Variants in MYH14 observed in about 807,000 individuals in gnomAD.
MYH14 encodes myosin heavy chain 14.
In MYH14, 123 loss-of-function variants were observed where a neutral mutation model predicts 255.5. That is an observed-to-expected ratio of 0.48 (90% CI 0.42 to 0.56). The LOEUF (loss-of-function observed/expected upper bound fraction) is 0.56. MYH14 is among the 20% of genes least tolerant of loss of function. MYH14 has a pLI of 0.00. For missense variants in MYH14, 2,423 were observed against 2,802.3 expected, an observed-to-expected ratio of 0.86 and a Z score of 3.06; for synonymous variants, 1,095 against 1,161.2, an observed-to-expected ratio of 0.94 and a Z score of 1.16.
At position 50,276,663 on chromosome 19, in the gene MYH14, A is replaced by C. The variant is rs1450458985; in HGVS notation, c.3681-94A>C. On this transcript the variant is annotated intron_variant, in intron 28 of 42. Transcript: ENST00000642316. The surrounding 1 kb of genome is among the most constrained non-coding windows in gnomAD (Gnocchi z 4.3). ...CATAACATGAGGCCCTCATATTTTA[A>C]GGAAACATGAAAAGGAGAAACAACC... 2.0e-6 allele frequency: 3 copies of C among 1,522,958 alleles called. No homozygotes were observed. 94.3% of individuals were successfully genotyped at this position (1,522,958 alleles called of 1,614,324 possible).
intron 10 of MYH14, among the ~76,000 whole-genome samples, chr19:50,239,299 G>T (rs1029805084): frequency 6.6e-6 from 1 of 152,224 alleles, no homozygotes; most frequent in Admixed American, 6.5e-5. Flanking sequence ...GATTACAGGC[G>T]TGAGCCACCG....
At chr19:50,269,173 TTTTTTTG>T (rs1451279176) in intron 24 of MYH14, among the ~76,000 whole-genome samples, 1 of 152,110 alleles carries the variant, frequency 6.6e-6, no homozygotes, top group East Asian at 1.9e-4. Flanking sequence ...CTCAGTAATG[TTTTTTTG>T]TTTTTTGTTT....
At chr19:50,262,962 G>A (rs2034941099) in intron 21 of MYH14, among the ~76,000 whole-genome samples, 1 of 148,976 alleles carries the variant, frequency 6.7e-6, no homozygotes, top group African/African-American at 2.4e-5. Flanking sequence ...CACTTTGGGA[G>A]GCCGAGGTGA....
chr19:50,255,349 C>T (rs1219999942), intron 17 of MYH14, 31 bp downstream of exon 17: 1 of 1,510,314 alleles, frequency 6.6e-7, no homozygotes, highest in Non-Finnish European at 9.0e-7. Flanking sequence ...ATGGGTGAGG[C>T]TTGCTGGAGG....
intron 27 of MYH14, among the ~76,000 whole-genome samples, chr19:50,273,519 C>T (rs1350920079): frequency 1.3e-5 from 2 of 151,604 alleles, no homozygotes; most frequent in Admixed American, 1.3e-4. Flanking sequence ...AATCTAAGAC[C>T]CACTTGATTA....
At position 50,250,322 on chromosome 19, in the gene MYH14, C is replaced by G. The variant is rs1286607638; in HGVS notation, c.1657-193C>G. ...TTCACTGTGTTAGCCAGGATGGTCT[C>G]GATCTCCTGACCTCGTGATCTACCC... On this transcript the variant is annotated intron_variant, in intron 14 of 42. Coordinates refer to ENST00000642316, the MANE Select transcript of MYH14 (RefSeq NM_001145809.2). The surrounding 1 kb of genome is among the most constrained non-coding windows in gnomAD (Gnocchi z 5.4). Among the ~76,000 whole-genome samples the G allele has an allele frequency of 6.9e-6, 1 of 145,528 alleles. No homozygotes were observed. The highest frequency in any genetic ancestry group is 1.5e-5 in the Non-Finnish European group (1 of 65,724).
intron 18 of MYH14, chr19:50,258,733 A>AACAAC (rs1555767749): frequency 2.2e-5 from 1 of 46,486 alleles, no homozygotes; most frequent in African/African-American, 7.3e-5. Flanking sequence ...AAAAAAAAAA[A>AACAAC]AAAAAAAAAA....
intron 42 of MYH14, 94 bp downstream of exon 42, chr19:50,309,271 G>A: frequency 7.9e-7 from 1 of 1,258,956 alleles, no homozygotes; most frequent in Non-Finnish European, 1.2e-6. Context: ...CAACAACAGG[G>A]GGAAATGGGA....
In MYH14 at chr19:50,266,784, G is replaced by T; in HGVS notation, c.2695-93G>T. Reference sequence around the variant, plus strand: ...GGACACACAGCTAATAGGTGGAGGAGAAGGGATTTGAACCCAGAAACTCAA... The same window carrying T: ...GGACACACAGCTAATAGGTGGAGGATAAGGGATTTGAACCCAGAAACTCAA... On this transcript the variant is annotated intron_variant, in intron 22 of 42. Transcript: ENST00000642316. This position sits in a 1 kb window ranked among gnomAD's most constrained non-coding sequence, Gnocchi z 4.1. The T allele has an allele frequency of 1.3e-6, 2 of 1,503,034 alleles. No individual in the cohort carries two copies. Among genetic ancestry groups the T allele is most frequent in the Non-Finnish European group, 1.8e-6 (2 of 1,107,070 alleles). The allele number at this position is 1,503,034 out of a possible 1,614,324, so 93.1% of individuals were successfully genotyped here.
chr19:50,293,549 T>C lies in MYH14; in HGVS notation c.5346-15T>C. 1.2e-6 allele frequency: 2 copies of C among 1,612,362 alleles called. No homozygotes were observed. Among genetic ancestry groups the C allele is most frequent in the African/African-American group, 2.7e-5 (2 of 74,990 alleles). On this transcript the variant is annotated splice_polypyrimidine_tract_variant and intron_variant, in intron 38 of 42. Transcript: ENST00000642316. The surrounding 1 kb of genome is among the most constrained non-coding windows in gnomAD (Gnocchi z 4.1). ...CATCCTGTCCTTTCATCCCCACGCC[T>C]TCCTGTCTCCCTAGGGCAGCCATTC...
intron 22 of MYH14, among the ~76,000 whole-genome samples, chr19:50,265,021 A>G (rs143949543): frequency 1.4e-3 from 208 of 152,306 alleles, no homozygotes; most frequent in African/African-American, 4.7e-3. Context: ...AGCACCTACT[A>G]TGTGCCCAGA....
Position 50,277,917 on chromosome 19 carries a change from C to CA in MYH14, c.3826-150dup, listed in dbSNP as rs11365121. ...GGGCAACAAGACTGAAGCACTGTCT[C>CA]AAAAAAAAAAAAAAAATTGGGAGTG... is the stretch of plus-strand genomic sequence containing the variant. On this transcript the variant is annotated intron_variant, in intron 29 of 42. Coordinates refer to ENST00000642316, the MANE Select transcript of MYH14 (RefSeq NM_001145809.2). Among the ~76,000 whole-genome samples the CA allele has an allele frequency of 0.015, 1,860 of 122,110 alleles. 30 individuals carry two copies. Among genetic ancestry groups the CA allele is most frequent in the African/African-American group, 0.045 (1,560 of 34,424 alleles). 80.1% of individuals were successfully genotyped at this position (122,110 alleles called of 152,430 possible). A position where few individuals can be genotyped will look rare whatever the true frequency, so the allele number is the denominator to read the frequency against.
chr19:50,207,271 C>CAGAG (rs764396652), intron 1 of MYH14, among the ~76,000 whole-genome samples: 5,916 of 76,690 alleles, frequency 0.077, 770 homozygotes, highest in Admixed American at 0.11. Context: ...GAGAGAGAGA[C>CAGAG]AGAGAGAGAG....
At chr19:50,241,526 G>A (rs2033891544) in intron 10 of MYH14, among the ~76,000 whole-genome samples, 2 of 152,178 alleles carry the variant, frequency 1.3e-5, no homozygotes, top group Admixed American at 6.5e-5. Context: ...CAGCTCTGCT[G>A]TCAGGGGAGA....
chr19:50,257,687 T>C (rs764485147), intron 18 of MYH14, among the ~76,000 whole-genome samples: 1 of 152,204 alleles, frequency 6.6e-6, no homozygotes, highest in African/African-American at 2.4e-5. Flanking sequence ...AAGCATCTAC[T>C]GTGCTGGGAA....
chr19:50,297,491 C>T (rs199559825), intron 39 of MYH14, among the ~76,000 whole-genome samples: 30 of 74,346 alleles, frequency 4.0e-4, no homozygotes, highest in South Asian at 2.2e-3. Flanking sequence ...CTCATCTCCT[C>T]TTTTTTTTTT....
chr19:50,230,192 C>T lies in MYH14; in HGVS notation c.875-333C>T, dbSNP rs2033304636. Among the ~76,000 whole-genome samples, 1 of 152,188 alleles carries T rather than the reference C, an allele frequency of 6.6e-6. No homozygotes were observed. Among genetic ancestry groups the T allele is most frequent in the South Asian group, 2.1e-4 (1 of 4,834 alleles). On this transcript the variant is annotated intron_variant, in intron 8 of 42. Coordinates refer to ENST00000642316, the MANE Select transcript of MYH14 (RefSeq NM_001145809.2). The surrounding 1 kb of genome is among the most constrained non-coding windows in gnomAD (Gnocchi z 4.7). ...CTTTCCAAAGTGTTGGGATTACAGG[C>T]GTGAGCCACTGCGCCCACAGGGTTG...
intron 10 of MYH14, among the ~76,000 whole-genome samples, chr19:50,241,645 A>ATT (rs57785862): frequency 0.023 from 3,304 of 146,364 alleles, 44 homozygotes; most frequent in Middle Eastern, 0.029. Flanking sequence ...CTGTATATTA[A>ATT]TTTTTTTTTT....
At chr19:50,245,764 G>T (rs898594229) in intron 11 of MYH14, among the ~76,000 whole-genome samples, 6 of 152,210 alleles carry the variant, frequency 3.9e-5, no homozygotes, top group South Asian at 4.1e-4. Context: ...GCACCTGGGG[G>T]CTCTGTACAT....
Sources: allele counts gnomAD v4.1 joint callset (sites outside exome capture counted in the v4.1 genomes callset), GRCh38; gene constraint gnomAD v4.1.1; non-coding constraint Gnocchi (gnomAD v3.1); transcripts MANE v1.5; gene names NCBI Gene and HGNC (gene_info 2026-07-23, HGNC 2026-07-21).